The following NCAM2 variants were observed in gnomAD, a reference collection of about 807,000 sequenced individuals.
NCAM2 encodes the protein N-CAM-2.
In NCAM2, 30 loss-of-function variants were observed where a neutral mutation model predicts 98.1. The ratio of observed to expected loss-of-function variants is 0.31; its 90% CI spans 0.23 to 0.41. The LOEUF (loss-of-function observed/expected upper bound fraction) is 0.41. Ranked by LOEUF, NCAM2 falls within the 10% of genes least tolerant of loss-of-function variation. The pLI is 1.00. For synonymous variants in NCAM2, 368 were observed against 342.4 expected, an observed-to-expected ratio of 1.07 and a Z score of -0.83; for missense variants, 867 against 1,005.8, an observed-to-expected ratio of 0.86 and a Z score of 1.87.
chr21:21,341,497 GA>G (rs1184790549), intron 8 of NCAM2, among the ~76,000 whole-genome samples: 1 of 151,996 alleles, frequency 6.6e-6, no homozygotes, highest in Non-Finnish European at 1.5e-5. Flanking sequence ...GGGGGCTTGG[GA>G]ACTATAAAAC....
intron 11 of NCAM2, among the ~76,000 whole-genome samples, chr21:21,431,847 G>A (rs141093013): frequency 3.0e-4 from 45 of 151,900 alleles, no homozygotes; most frequent in African/African-American, 1.1e-3. Flanking sequence ...AGAAAATGCA[G>A]AAGTAACATA....
At chr21:21,525,370 ATAAAG>A (rs1010689984) in intron 16 of NCAM2, among the ~76,000 whole-genome samples, 5 of 152,166 alleles carry the variant, frequency 3.3e-5, no homozygotes, top group African/African-American at 9.6e-5. Flanking sequence ...TCAAAGGATA[ATAAAG>A]TAATACCATG....
intron 1 of NCAM2, among the ~76,000 whole-genome samples, chr21:21,116,935 A>T (rs1242814817): frequency 6.6e-6 from 1 of 152,190 alleles, no homozygotes; most frequent in African/African-American, 2.4e-5. Flanking sequence ...CTCAAAAAGA[A>T]TTAAAATTTT....
In NCAM2 at chr21:21,024,393, A is replaced by G. The variant is rs550537573; in HGVS notation, c.55+25775A>G. On this transcript the variant is annotated intron_variant, in intron 1 of 17. Coordinates refer to ENST00000400546, the MANE Select transcript of NCAM2 (RefSeq NM_004540.5). The stretch of plus-strand genomic sequence containing the variant: ...TTCTCCAAGAAATCCTGGGGGGGGA[A>G]AAAACAGAGAAAATTGAAGTATTTA... Among the ~76,000 whole-genome samples, 124 of 151,804 alleles carry G rather than the reference A, an allele frequency of 8.2e-4. 1 individual carries two copies. Among genetic ancestry groups the G allele is most frequent in the Non-Finnish European group, 1.4e-3 (92 of 67,968 alleles).
chr21:21,171,472 C>T (rs2068123074), intron 1 of NCAM2, among the ~76,000 whole-genome samples: 1 of 152,102 alleles, frequency 6.6e-6, no homozygotes, highest in Non-Finnish European at 1.5e-5. Flanking sequence ...AAATAAATTG[C>T]TCTAAGTCAC....
chr21:21,512,194 C>T (rs113353031), intron 16 of NCAM2, among the ~76,000 whole-genome samples: 97 of 151,972 alleles, frequency 6.4e-4, no homozygotes, highest in Middle Eastern at 3.4e-3. Flanking sequence ...AGGTGTTTCC[C>T]CCATGTTTAC....
intron 8 of NCAM2, among the ~76,000 whole-genome samples, chr21:21,364,746 G>A: frequency 6.6e-6 from 1 of 151,874 alleles, no homozygotes; most frequent in Non-Finnish European, 1.5e-5. Context: ...CTTTGAATAA[G>A]GATGTGTTCT....
intron 1 of NCAM2, among the ~76,000 whole-genome samples, chr21:21,125,605 A>T (rs1157424888): frequency 1.5e-5 from 2 of 134,512 alleles, no homozygotes; most frequent in African/African-American, 2.7e-5. Flanking sequence ...TTAAATATAT[A>T]AATATATAAT....
intron 1 of NCAM2, among the ~76,000 whole-genome samples, chr21:21,085,567 A>G (rs1350679631): frequency 2.6e-5 from 4 of 151,996 alleles, no homozygotes; most frequent in Non-Finnish European, 5.9e-5. Context: ...TTTCTCTTCA[A>G]ATTTTCACCA....
intron 1 of NCAM2, among the ~76,000 whole-genome samples, chr21:21,153,673 C>T (rs2067518043): frequency 1.3e-5 from 2 of 151,636 alleles, no homozygotes; most frequent in South Asian, 4.1e-4. Context: ...AACAATGGAA[C>T]CAAAATTTGC....
At chr21:21,266,100 C>G (rs1166898566) in intron 1 of NCAM2, among the ~76,000 whole-genome samples, 1 of 151,938 alleles carries the variant, frequency 6.6e-6, no homozygotes, top group Admixed American at 6.6e-5. Context: ...AATGTTTTTG[C>G]TTCCTTCTAC....
At chr21:21,326,557 A>G (rs984695082) in intron 6 of NCAM2, among the ~76,000 whole-genome samples, 7 of 151,470 alleles carry the variant, frequency 4.6e-5, no homozygotes, top group African/African-American at 1.5e-4. Flanking sequence ...TTCTGCAGAG[A>G]TTTTTTTTTC....
At chr21:21,222,471 T>A (rs1423757419) in intron 1 of NCAM2, among the ~76,000 whole-genome samples, 1 of 152,132 alleles carries the variant, frequency 6.6e-6, no homozygotes, top group Non-Finnish European at 1.5e-5. Context: ...AGTCAAAATG[T>A]CGTTAGTAAC....
At chr21:21,222,694 C>A (rs1023532617) in intron 1 of NCAM2, among the ~76,000 whole-genome samples, 2 of 151,974 alleles carry the variant, frequency 1.3e-5, no homozygotes, top group African/African-American at 4.8e-5. Context: ...GAAGTGGTTT[C>A]TAGATGGAGT....
At chr21:21,160,320 C>G (rs1014232036) in intron 1 of NCAM2, among the ~76,000 whole-genome samples, 10 of 151,914 alleles carry the variant, frequency 6.6e-5, no homozygotes, top group African/African-American at 2.2e-4. Context: ...CTATATACTT[C>G]TTTAATATAA....
intron 12 of NCAM2, among the ~76,000 whole-genome samples, chr21:21,462,158 C>T (rs1983063234): frequency 1.3e-5 from 2 of 151,938 alleles, no homozygotes; most frequent in Admixed American, 1.3e-4. Context: ...CAGTTTTACC[C>T]TTGCTAAGCT....
chr21:21,328,005 T>G (rs1390166989), intron 6 of NCAM2, among the ~76,000 whole-genome samples: 2 of 152,210 alleles, frequency 1.3e-5, no homozygotes, highest in African/African-American at 4.8e-5. Flanking sequence ...ATTTTTATTG[T>G]TAGCCCATTA....
intron 1 of NCAM2, among the ~76,000 whole-genome samples, chr21:21,187,801 A>C (rs113444951): frequency 3.3e-5 from 5 of 152,270 alleles, no homozygotes; most frequent in African/African-American, 1.2e-4. Context: ...CACATTAGTG[A>C]GATAACACAC....
At chr21:21,297,879 G>A (rs932130716) in intron 5 of NCAM2, among the ~76,000 whole-genome samples, 1 of 151,788 alleles carries the variant, frequency 6.6e-6, no homozygotes, top group African/African-American at 2.4e-5. Context: ...TGTAAAGAGT[G>A]ATTCACTAAC....
Sources: gnomAD v4.1 joint callset for allele counts (sites outside exome capture counted in the v4.1 genomes callset) on GRCh38, gnomAD v4.1.1 for gene constraint, MANE v1.5 for transcripts, NCBI Gene and HGNC (gene_info 2026-07-23, HGNC 2026-07-21) for gene names.